The following ADAMTS19 variants were observed in gnomAD, a reference collection of about 807,000 sequenced individuals.
ADAMTS19 encodes the protein ADAM metallopeptidase with thrombospondin type 1 motif 19.
ADAMTS19 carries 93 observed loss-of-function variants against 153.3 expected under a neutral mutation model. The observed-to-expected ratio is 0.61, with a 90% CI of 0.51 to 0.72. ADAMTS19 has a LOEUF of 0.72. Among genes scored for constraint, ADAMTS19 ranks in the 30% least tolerant of loss-of-function variants. The probability of loss-of-function intolerance (pLI) is 0.00; values close to 1 mark genes in which losing one functional copy is unlikely to be tolerated. For synonymous variants in ADAMTS19, 600 were observed against 556.6 expected, an observed-to-expected ratio of 1.08 and a Z score of -1.10; for missense variants, 1,482 against 1,552.1, an observed-to-expected ratio of 0.95 and a Z score of 0.76.
intron 3 of ADAMTS19, among the ~76,000 whole-genome samples, chr5:129,521,865 G>GT (rs1182148058): frequency 6.6e-6 from 1 of 152,080 alleles, no homozygotes; most frequent in Non-Finnish European, 1.5e-5. Context: ...TGGTTAAGGA[G>GT]TTTTTTATTA....
intron 15 of ADAMTS19, among the ~76,000 whole-genome samples, chr5:129,662,610 A>G (rs1337502443): frequency 1.3e-5 from 2 of 152,212 alleles, no homozygotes; most frequent in African/African-American, 4.8e-5. Flanking sequence ...ATTTGCACAT[A>G]CTACATCTAC....
chr5:129,475,924 C>T (rs552572914), intron 2 of ADAMTS19, among the ~76,000 whole-genome samples: 1 of 152,236 alleles, frequency 6.6e-6, no homozygotes, highest in African/African-American at 2.4e-5. Context: ...AAGAAACTTC[C>T]TGGACTTTGA....
At chr5:129,460,735 AG>A in intron 1 of ADAMTS19, 1 of 576,852 alleles carries the variant, frequency 1.7e-6, no homozygotes, top group South Asian at 2.1e-5. Flanking sequence ...GTACGTTTAC[AG>A]CACCTGGAGG....
At chr5:129,486,602 A>G (rs1452757094) in intron 2 of ADAMTS19, among the ~76,000 whole-genome samples, 2 of 152,180 alleles carry the variant, frequency 1.3e-5, no homozygotes, top group Admixed American at 6.6e-5. Flanking sequence ...GTTAATGGAC[A>G]TTTACAAAAA....
chr5:129,684,235 A>G lies in ADAMTS19; in HGVS notation c.2780A>G (p.His927Arg). The change falls in exon 18 of 23, where the codon CAC becomes CGC. Residue 927 changes from histidine to arginine, a missense_variant. Physicochemically the swap from His to Arg is conservative, Grantham distance 29. Around this residue, in one of 2 missense-constraint regions of ADAMTS19, gnomAD observed 616 missense variants for 724.4 expected, o/e 0.85. Coordinates refer to ENST00000274487, the MANE Select transcript of ADAMTS19 (RefSeq NM_133638.6). ...CCTGAGCCCCTCTTCATGTGGACAC[A>G]CACAAGCTGGGAAGATTGCGATGCC... The part of the protein sequence containing the change: ...KAPEPLFMWT[H>R]TSWEDCDATC... The G allele has an allele frequency of 6.2e-7, 1 of 1,614,204 alleles. No homozygotes were observed.
intron 15 of ADAMTS19, among the ~76,000 whole-genome samples, chr5:129,664,640 CTT>C (rs957406489): frequency 6.6e-6 from 1 of 151,970 alleles, no homozygotes; most frequent in African/African-American, 2.4e-5. Context: ...GGAATTAGCT[CTT>C]GTGCCTTTTC....
chr5:129,690,131 A>C (rs904977818), intron 18 of ADAMTS19, among the ~76,000 whole-genome samples: 4 of 152,012 alleles, frequency 2.6e-5, no homozygotes, highest in African/African-American at 9.7e-5. Context: ...CACTATTGCT[A>C]GGTGGTCCAA....
intron 2 of ADAMTS19, among the ~76,000 whole-genome samples, chr5:129,505,935 T>C (rs910685619): frequency 6.6e-6 from 1 of 152,170 alleles, no homozygotes; most frequent in East Asian, 1.9e-4. Context: ...AGATAGTGCA[T>C]TGTGTCATAT....
At chr5:129,512,567 T>C (rs1751476898) in intron 3 of ADAMTS19, among the ~76,000 whole-genome samples, 1 of 152,092 alleles carries the variant, frequency 6.6e-6, no homozygotes, top group African/African-American at 2.4e-5. Flanking sequence ...GGATAACTTA[T>C]ATGGCAGAGT....
chr5:129,651,397 C>T (rs956419704), intron 13 of ADAMTS19, among the ~76,000 whole-genome samples: 1 of 152,140 alleles, frequency 6.6e-6, no homozygotes, highest in Non-Finnish European at 1.5e-5. Flanking sequence ...GTTGCACAAA[C>T]TTGATCACCT....
At chr5:129,665,856 G>A (rs1457147144) in intron 16 of ADAMTS19, among the ~76,000 whole-genome samples, 3 of 144,696 alleles carry the variant, frequency 2.1e-5, no homozygotes, top group African/African-American at 7.8e-5. Context: ...AAACCTCATT[G>A]AATGATTTGG....
At chr5:129,707,639 AAC>A (rs1756228350) in intron 21 of ADAMTS19, among the ~76,000 whole-genome samples, 1 of 152,188 alleles carries the variant, frequency 6.6e-6, no homozygotes, top group Admixed American at 6.5e-5. Context: ...GGACAGAGAA[AAC>A]ACACAAATCT....
Position 129,460,304 on chromosome 5 carries a change from C to A in ADAMTS19, c.-88C>A. On this transcript the variant is annotated 5_prime_UTR_variant, in exon 1 of 23. Transcript: ENST00000274487. ...CTGGGCAAATTCGCCGCCCGGCCTC[C>A]TAGCGCTCCGGGGAGGCCGCTGCGC... 1 of 1,152,956 alleles carries A rather than the reference C, an allele frequency of 8.7e-7. No individual in the cohort carries two copies. 71.4% of individuals were successfully genotyped at this position (1,152,956 alleles called of 1,614,324 possible). A position where few individuals can be genotyped will look rare whatever the true frequency, so the allele number is the denominator to read the frequency against.
At chr5:129,481,446 A>C (rs1750407422) in intron 2 of ADAMTS19, among the ~76,000 whole-genome samples, 1 of 152,108 alleles carries the variant, frequency 6.6e-6, no homozygotes, top group African/African-American at 2.4e-5. Flanking sequence ...ACAGAGCCAA[A>C]CCATAGCAAC....
At position 129,461,758 on chromosome 5, in the gene ADAMTS19, G is replaced by C. The variant is rs1749679534; in HGVS notation, c.747+1G>C. On this transcript the variant is annotated splice_donor_variant, in intron 2 of 22. Coordinates refer to ENST00000274487, the MANE Select transcript of ADAMTS19 (RefSeq NM_133638.6). LOFTEE classifies it high-confidence loss of function. The surrounding 1 kb of genome is among the most constrained non-coding windows in gnomAD (Gnocchi z 4.6). The stretch of plus-strand genomic sequence containing the variant: ...TTTCAGCACCTGTGGAGGTGGCCTG[G>C]TAAGCGCCTTCTTTCCCTAGCTCTC... 6.7e-7 allele frequency: 1 copy of C among 1,485,338 alleles called. No individual in the cohort carries two copies. Among genetic ancestry groups the C allele is most frequent in the African/African-American group, 1.4e-5 (1 of 69,118 alleles). The allele number at this position is 1,485,338 out of a possible 1,614,324, so 92.0% of individuals were successfully genotyped here.
chr5:129,672,564 C>T (rs1754351275), intron 16 of ADAMTS19, among the ~76,000 whole-genome samples: 1 of 152,092 alleles, frequency 6.6e-6, no homozygotes, highest in South Asian at 2.1e-4. Context: ...AGCAAGAACT[C>T]TAAAGAACTA....
chr5:129,662,088 G>GACTAT (rs1753839144), intron 15 of ADAMTS19, among the ~76,000 whole-genome samples: 1 of 152,114 alleles, frequency 6.6e-6, no homozygotes, highest in Admixed American at 6.6e-5. Flanking sequence ...CTACCTTGGA[G>GACTAT]ACTATAATTA....
In ADAMTS19 at chr5:129,636,575, C is replaced by T. The variant is rs17163256; in HGVS notation, c.1771-5284C>T. Among the ~76,000 whole-genome samples, 569 of 152,294 alleles carry T rather than the reference C, an allele frequency of 3.7e-3. 4 individuals are homozygous for T. Among genetic ancestry groups the T allele is most frequent in the African/African-American group, 0.013 (545 of 41,558 alleles). Reference sequence around the variant, plus strand: ...TTGGCTGTCCATGGGTTACATTTCCCTTTCTATGCCTATCACTCAACTTCT... The same window carrying T: ...TTGGCTGTCCATGGGTTACATTTCCTTTTCTATGCCTATCACTCAACTTCT... On this transcript the variant is annotated intron_variant, in intron 10 of 22. Coordinates refer to ENST00000274487, the MANE Select transcript of ADAMTS19 (RefSeq NM_133638.6).
At chr5:129,694,662 C>A (rs900790477) in intron 18 of ADAMTS19, 58 bp from the exon 19 acceptor site, 2 of 1,312,986 alleles carry the variant, frequency 1.5e-6, no homozygotes, top group Non-Finnish European at 2.0e-6. Flanking sequence ...TGAACACCTC[C>A]TAAATCCATT....
Sources: gnomAD v4.1 joint callset for allele counts (sites outside exome capture counted in the v4.1 genomes callset) on GRCh38, gnomAD v4.1.1 for gene constraint, gnomAD v4.1.1 regional missense constraint, Gnocchi (gnomAD v3.1) non-coding constraint, MANE v1.5 for transcripts, NCBI Gene and HGNC (gene_info 2026-07-23, HGNC 2026-07-21) for gene names.